EXOC3L2: variants seen among roughly 807,000 people sequenced by gnomAD.
EXOC3L2 encodes exocyst complex component 3-like protein 2.
In EXOC3L2, 17 loss-of-function variants were observed where a neutral mutation model predicts 44.4. That is an observed-to-expected ratio of 0.38 (90% CI 0.26 to 0.57). The LOEUF (loss-of-function observed/expected upper bound fraction) is 0.57. Among genes scored for constraint, EXOC3L2 ranks in the 20% least tolerant of loss-of-function variants. The probability of loss-of-function intolerance (pLI) is 0.65; values close to 1 mark genes in which losing one functional copy is unlikely to be tolerated. For missense variants in EXOC3L2, 541 were observed against 588.4 expected (o/e 0.92, Z 0.83); for synonymous variants, 256 against 253.7 (o/e 1.01, Z -0.09).
chr19:45,215,268 C>T (rs1221149150), intron 11 of EXOC3L2, among the ~76,000 whole-genome samples: 2 of 152,216 alleles, frequency 1.3e-5, no homozygotes, highest in South Asian at 2.1e-4. Context: ...CCCAGAAGTT[C>T]GAGACCAGCC....
intron 7 of EXOC3L2, among the ~76,000 whole-genome samples, chr19:45,225,548 A>G (rs59741163): frequency 0.085 from 12,846 of 151,160 alleles, 738 homozygotes; most frequent in African/African-American, 0.16. Context: ...GATTACAGGC[A>G]TGAGCCGCCG....
intron 1 of EXOC3L2, among the ~76,000 whole-genome samples, chr19:45,242,978 T>C (rs1970142513): frequency 6.6e-6 from 1 of 151,224 alleles, no homozygotes; most frequent in Non-Finnish European, 1.5e-5. Context: ...ATGAATGTGC[T>C]GTTTACCCGT....
rs770466337 is a variant in EXOC3L2, at chr19:45,224,810, C to A, written c.1687G>T (p.Val563Phe). The A allele has an allele frequency of 7.6e-6, 12 of 1,572,124 alleles. No homozygotes were observed. The highest frequency in any genetic ancestry group is 1.0e-5 in the Non-Finnish European group (12 of 1,158,762). The change falls in exon 8 of 12, where the codon GTC (valine) becomes TTC (phenylalanine). Residue 563 changes from valine (V) to phenylalanine (F), a missense_variant. Transcript: ENST00000413988. Reference protein sequence around the residue: ...LDHVTRLCHRVVANLLFQELQ... With the variant: ...LDHVTRLCHRFVANLLFQELQ... ...TCCTGGAACAGCAGGTTGGCCACGA[C>A]ACGGTGGCAGAGCCGGGTCACATGG... is the stretch of plus-strand genomic sequence containing the variant.
At position 45,216,058 on chromosome 19, in the gene EXOC3L2, G is replaced by A. The variant is rs1158598706; in HGVS notation, c.2120+15C>T. The A allele has an allele frequency of 1.2e-6, 2 of 1,613,206 alleles. No individual in the cohort carries two copies. The highest frequency in any genetic ancestry group is 1.3e-5 in the African/African-American group (1 of 74,918). ...GCCAGGCACGGCGAGCCCTGGCCCA[G>A]GCGGGGTGTCTCACCTGATGTCTGG... On this transcript the variant is annotated intron_variant, in intron 11 of 11. Coordinates refer to ENST00000413988, the MANE Select transcript of EXOC3L2 (RefSeq NM_001382422.1).
In EXOC3L2 at chr19:45,228,166, T is replaced by G. The variant is rs765758631; in HGVS notation, c.1370A>C (p.Glu457Ala). ...CCCCAGCCTCCCTCCACCTCCTACC[T>G]CACACACATCCTGGGCCAGGCTGCT... ...QPSSLAQDVC[E>A]LLEEHTERAP... Residue 457 changes from glutamate (E) to alanine (A), a missense_variant and splice_region_variant, in exon 5 of 12, where the codon GAG becomes GCG. Transcript: ENST00000413988. 1 of 1,613,934 alleles carries G rather than the reference T, an allele frequency of 6.2e-7. No homozygotes were observed. Among genetic ancestry groups the G allele is most frequent in the Admixed American group, 1.7e-5 (1 of 59,982 alleles).
Position 45,226,813 on chromosome 19 carries a change from C to T in EXOC3L2, c.1583+849G>A, listed in dbSNP as rs368614733. ...TGACGCCCAGGCTGGAGTGTAGTGG[C>T]GCGATCTCAGCTCGCTGCAAGCTCC... is the stretch of plus-strand genomic sequence containing the variant. On this transcript the variant is annotated intron_variant, in intron 7 of 11. Transcript: ENST00000413988. Among the ~76,000 whole-genome samples the T allele has an allele frequency of 5.5e-4, 74 of 134,190 alleles. 3 individuals carry two copies. The East Asian group carries it at 0.014, about 26-fold the overall frequency. 88.0% of individuals were successfully genotyped at this position (134,190 alleles called of 152,430 possible). A position where few individuals can be genotyped will look rare whatever the true frequency, so the allele number is the denominator to read the frequency against.
At chr19:45,221,941 C>G (rs185288032) in intron 8 of EXOC3L2, among the ~76,000 whole-genome samples, 1 of 151,668 alleles carries the variant, frequency 6.6e-6, no homozygotes, top group Non-Finnish European at 1.5e-5. Context: ...TGAGCCACCA[C>G]GCCCGGCCAG....
intron 8 of EXOC3L2, among the ~76,000 whole-genome samples, chr19:45,219,026 G>C (rs1969869413): frequency 6.6e-6 from 1 of 151,894 alleles, no homozygotes; most frequent in Non-Finnish European, 1.5e-5. Flanking sequence ...ATCACCTAAG[G>C]TCAGGAGTTC....
chr19:45,216,063 G>A lies in EXOC3L2; in HGVS notation c.2120+10C>T. 1 of 1,613,402 alleles carries A rather than the reference G, an allele frequency of 6.2e-7. No individual in the cohort carries two copies. The highest frequency in any genetic ancestry group is 8.5e-7 in the Non-Finnish European group (1 of 1,179,686). ...GCACGGCGAGCCCTGGCCCAGGCGG[G>A]GTGTCTCACCTGATGTCTGGGTAGT... On this transcript the variant is annotated intron_variant, in intron 11 of 11. Coordinates refer to ENST00000413988, the MANE Select transcript of EXOC3L2 (RefSeq NM_001382422.1).
At chr19:45,225,771 C>T (rs1969953640) in intron 7 of EXOC3L2, among the ~76,000 whole-genome samples, 1 of 151,914 alleles carries the variant, frequency 6.6e-6, no homozygotes, top group African/African-American at 2.4e-5. Context: ...TACAGGCACC[C>T]GCCACCACAC....
rs780431532 is a variant in EXOC3L2, at chr19:45,231,929, G to A, written c.1158-55C>T. 64 of 1,242,638 alleles carry A rather than the reference G, an allele frequency of 5.2e-5. No homozygotes were observed. The Middle Eastern group carries it at 1.5e-3, about 28-fold the overall frequency. The allele number at this position is 1,242,638 out of a possible 1,614,324, so 77.0% of individuals were successfully genotyped here. ...CTGTGAAAAGTGGGGCTGGGCAGTT[G>A]GAACCTTCCCCACACCCTCCTACCC... On this transcript the variant is annotated intron_variant, in intron 3 of 11. Coordinates refer to ENST00000413988, the MANE Select transcript of EXOC3L2 (RefSeq NM_001382422.1).
At chr19:45,241,642 T>C (rs1970133073) in intron 1 of EXOC3L2, among the ~76,000 whole-genome samples, 1 of 152,148 alleles carries the variant, frequency 6.6e-6, no homozygotes, top group African/African-American at 2.4e-5. Context: ...CGTAGCCTCC[T>C]CCTTACCCCA....
intron 8 of EXOC3L2, among the ~76,000 whole-genome samples, chr19:45,223,117 AG>A: frequency 6.6e-6 from 1 of 152,194 alleles, no homozygotes; most frequent in South Asian, 2.1e-4. Flanking sequence ...AGGCAGGGCG[AG>A]GTAGCTCACA....
Position 45,220,168 on chromosome 19 carries a change from T to C in EXOC3L2, c.1720-1849A>G, listed in dbSNP as rs144144600. On this transcript the variant is annotated intron_variant, in intron 8 of 11. Coordinates refer to ENST00000413988, the MANE Select transcript of EXOC3L2 (RefSeq NM_001382422.1). ...AGCCTCAGCAACAAGAGCAAAACTC[T>C]GTCTCAAAAATAAATAAATAAATTA... Among the ~76,000 whole-genome samples the C allele has an allele frequency of 3.1e-3, 464 of 151,308 alleles. 4 individuals are homozygous for C. The highest frequency in any genetic ancestry group is 0.016 in the South Asian group (78 of 4,780).
chr19:45,231,389 G>A (rs1190844500), intron 4 of EXOC3L2, among the ~76,000 whole-genome samples: 1 of 145,684 alleles, frequency 6.9e-6, no homozygotes, highest in Non-Finnish European at 1.5e-5. Flanking sequence ...TGGAGAGGCT[G>A]AGGCAGGAGG....
chr19:45,217,959 G>T (rs2122958356), intron 9 of EXOC3L2, among the ~76,000 whole-genome samples: 1 of 152,042 alleles, frequency 6.6e-6, no homozygotes, highest in African/African-American at 2.4e-5. Context: ...CAGGGGCCCT[G>T]ACTCAGTCTG....
In EXOC3L2 at chr19:45,234,442, G is replaced by C. The variant is rs1380668001; in HGVS notation, c.908C>G (p.Ala303Gly). ...GCCCCCGGGCGCCCCGGGAGCCGCT[G>C]CCTCTAGGCGCTCCCGGGCCGCGCG... ...VARAARERLE[A>G]AAPGAPGGLA... Residue 303 changes from alanine to glycine, a missense_variant, in exon 3 of 12, where the codon GCA becomes GGA. Physicochemically the swap from Ala to Gly is moderately conservative, Grantham distance 60. Coordinates refer to ENST00000413988, the MANE Select transcript of EXOC3L2 (RefSeq NM_001382422.1). The surrounding 1 kb of genome is among the most constrained non-coding windows in gnomAD (Gnocchi z 5.0). 1 of 273,598 alleles carries C rather than the reference G, an allele frequency of 3.7e-6. No homozygotes were observed. Among genetic ancestry groups the C allele is most frequent in the Non-Finnish European group, 6.9e-6 (1 of 145,532 alleles). The allele number at this position is 273,598 out of a possible 1,614,324, so 16.9% of individuals were successfully genotyped here. A position where few individuals can be genotyped will look rare whatever the true frequency, so the allele number is the denominator to read the frequency against.
intron 1 of EXOC3L2, among the ~76,000 whole-genome samples, chr19:45,242,968 A>G (rs1323521974): frequency 6.6e-6 from 1 of 152,010 alleles, no homozygotes; most frequent in Non-Finnish European, 1.5e-5. Context: ...AGCATCCAGA[A>G]TGAATGTGCT....
Position 45,228,037 on chromosome 19 carries a change from C to G in EXOC3L2, c.1409G>C (p.Ser470Thr), listed in dbSNP as rs1371812370. ...EEHTERAPRISQEFGERMAHC... is the reference protein window; with the variant it reads ...EEHTERAPRITQEFGERMAHC... ...GGCCATCCGCTCCCCAAACTCCTGG[C>G]TGATGCGGGGTGCTCGCTCTGTGTG... Residue 470 changes from serine (S) to threonine (T), a missense_variant, in exon 6 of 12, where the codon AGC becomes ACC. Coordinates refer to ENST00000413988, the MANE Select transcript of EXOC3L2 (RefSeq NM_001382422.1). 6.2e-7 allele frequency: 1 copy of G among 1,614,138 alleles called. No homozygotes were observed. The highest frequency in any genetic ancestry group is 1.7e-5 in the Admixed American group (1 of 60,014).
Sources: gnomAD v4.1 joint callset for allele counts (sites outside exome capture counted in the v4.1 genomes callset) on GRCh38, gnomAD v4.1.1 for gene constraint, Gnocchi (gnomAD v3.1) non-coding constraint, MANE v1.5 for transcripts, NCBI Gene and HGNC (gene_info 2026-07-23, HGNC 2026-07-21) for gene names.